The following PLXNA4 variants were observed in gnomAD, a reference collection of about 807,000 sequenced individuals.
PLXNA4 encodes plexin-A4.
In PLXNA4, 44 loss-of-function variants were observed where a neutral mutation model predicts 191.8. The ratio of observed to expected loss-of-function variants is 0.23; its 90% CI spans 0.18 to 0.29. The LOEUF (loss-of-function observed/expected upper bound fraction) is 0.29. Among genes scored for constraint, PLXNA4 ranks in the 10% least tolerant of loss-of-function variants. The pLI is 1.00. For missense variants in PLXNA4, 1,800 were observed against 2,488.8 expected (o/e 0.72, Z 5.89); for synonymous variants, 1,082 against 1,009.5 (o/e 1.07, Z -1.36).
At chr7:132,462,638 C>T (rs1796551768) in intron 3 of PLXNA4, among the ~76,000 whole-genome samples, 1 of 151,974 alleles carries the variant, frequency 6.6e-6, no homozygotes, top group African/African-American at 2.4e-5. Context: ...GACAGGGTCT[C>T]ACTATGTTGC....
chr7:132,293,905 C>T (rs1800981952), intron 4 of PLXNA4, among the ~76,000 whole-genome samples: 1 of 152,204 alleles, frequency 6.6e-6, no homozygotes, highest in African/African-American at 2.4e-5. Flanking sequence ...AACCACAGCT[C>T]TCTTGAGCCC....
chr7:132,574,951 T>A (rs770579436), intron 1 of PLXNA4, among the ~76,000 whole-genome samples: 8 of 152,212 alleles, frequency 5.3e-5, no homozygotes, highest in Non-Finnish European at 1.2e-4. Flanking sequence ...TTTTTTCCAC[T>A]GGTGGGTCTG....
At chr7:132,574,723 G>A (rs532577924) in intron 1 of PLXNA4, among the ~76,000 whole-genome samples, 1 of 152,276 alleles carries the variant, frequency 6.6e-6, no homozygotes, top group South Asian at 2.1e-4. Flanking sequence ...TCTCCCTCCC[G>A]GGGTGTCTGC....
In PLXNA4 at chr7:132,128,569, G is replaced by A. The variant is rs1794843313; in HGVS notation, c.*1910C>T. Reference sequence around the variant, plus strand: ...AACACTTCAAAAATCCTCCTACAAAGGACAAGAAATCCTTTTGAGCTTTCC... The same window carrying A: ...AACACTTCAAAAATCCTCCTACAAAAGACAAGAAATCCTTTTGAGCTTTCC... On this transcript the variant is annotated 3_prime_UTR_variant, in exon 32 of 32. Coordinates refer to ENST00000321063, the MANE Select transcript of PLXNA4 (RefSeq NM_020911.2). The A allele has an allele frequency of 6.6e-6, 1 of 152,152 alleles. No individual in the cohort carries two copies. 9.4% of individuals were successfully genotyped at this position (152,152 alleles called of 1,614,324 possible).
At chr7:132,566,805 G>T (rs1039221278) in intron 1 of PLXNA4, among the ~76,000 whole-genome samples, 2 of 152,138 alleles carry the variant, frequency 1.3e-5, no homozygotes, top group African/African-American at 4.8e-5. Context: ...GGCCACTGTC[G>T]CTAAAGTTTT....
intron 2 of PLXNA4, among the ~76,000 whole-genome samples, chr7:132,634,484 T>TAC (rs1202117730): frequency 2.0e-5 from 3 of 148,486 alleles, no homozygotes; most frequent in East Asian, 2.1e-4. Flanking sequence ...ACACACACAC[T>TAC]ACACACACAC....
chr7:132,179,823 G>T lies in PLXNA4; in HGVS notation c.3738C>A (p.Gly1246=), dbSNP rs202222743. 2.5e-6 allele frequency: 4 copies of T among 1,603,042 alleles called. No individual in the cohort carries two copies. In the African/African-American group the frequency reaches 5.3e-5, roughly 21 times the overall value. The change falls in exon 20 of 32, where the codon GGC becomes GGA. Residue 1246 remains glycine, a synonymous_variant. Coordinates refer to ENST00000321063, the MANE Select transcript of PLXNA4 (RefSeq NM_020911.2). ...LPAIVSIAVA[G]GLLIIFIVAV... Reference sequence around the variant, plus strand: ...CCACGATGAAAATGATGAGGAGGCCGCCAGCCACTGCGATGCTGACGATGG... The same window carrying T: ...CCACGATGAAAATGATGAGGAGGCCTCCAGCCACTGCGATGCTGACGATGG...
intron 3 of PLXNA4, among the ~76,000 whole-genome samples, chr7:132,444,330 C>T (rs2023411): frequency 0.72 from 110,063 of 152,250 alleles, 43,828 homozygotes; most frequent in Non-Finnish European, 0.89. Flanking sequence ...TCTTGGCTCA[C>T]TGCAACCACC....
At chr7:132,375,585 G>A (rs1262068798) in intron 3 of PLXNA4, among the ~76,000 whole-genome samples, 3 of 152,166 alleles carry the variant, frequency 2.0e-5, no homozygotes, top group Non-Finnish European at 4.4e-5. Context: ...AGCACAGTGT[G>A]ATCCATGCCA....
At chr7:132,243,221 A>G (rs1463844529) in intron 4 of PLXNA4, among the ~76,000 whole-genome samples, 1 of 152,242 alleles carries the variant, frequency 6.6e-6, no homozygotes, top group African/African-American at 2.4e-5. Context: ...TAAATGGTGA[A>G]AGTTGGGAAA....
At chr7:132,393,973 C>T (rs915698491) in intron 3 of PLXNA4, among the ~76,000 whole-genome samples, 2 of 151,626 alleles carry the variant, frequency 1.3e-5, no homozygotes, top group South Asian at 2.1e-4. Flanking sequence ...CACTAATTTG[C>T]ACCCCACCCT....
chr7:132,126,977 T>G lies in PLXNA4; in HGVS notation c.*3502A>C, dbSNP rs1794785316. On this transcript the variant is annotated 3_prime_UTR_variant, in exon 32 of 32. Coordinates refer to ENST00000321063, the MANE Select transcript of PLXNA4 (RefSeq NM_020911.2). ...AGCTACCAAGAAATGTCAGGGTCTCTCCTTATGGGGAAGGACAAAGAATGG... is the reference window on the plus strand; with the variant it reads ...AGCTACCAAGAAATGTCAGGGTCTCGCCTTATGGGGAAGGACAAAGAATGG... 6.6e-6 allele frequency: 1 copy of G among 152,102 alleles called. No homozygotes were observed. The highest frequency in any genetic ancestry group is 1.5e-5 in the Non-Finnish European group (1 of 68,044). 9.4% of individuals were successfully genotyped at this position (152,102 alleles called of 1,614,324 possible). A position where few individuals can be genotyped will look rare whatever the true frequency, so the allele number is the denominator to read the frequency against.
intron 3 of PLXNA4, among the ~76,000 whole-genome samples, chr7:132,332,292 G>A (rs898329440): frequency 6.6e-6 from 1 of 152,152 alleles, no homozygotes; most frequent in Admixed American, 6.5e-5. Context: ...TTTTCCTATA[G>A]TGTTTCTGGG....
intron 2 of PLXNA4, among the ~76,000 whole-genome samples, chr7:132,632,213 G>T (rs181069062): frequency 1.9e-3 from 222 of 118,106 alleles, no homozygotes; most frequent in Middle Eastern, 9.8e-3. Context: ...TCCAGCCTAA[G>T]CAACAGAGCT....
chr7:132,280,312 A>G (rs1490388401), intron 4 of PLXNA4, among the ~76,000 whole-genome samples: 4 of 152,216 alleles, frequency 2.6e-5, no homozygotes, highest in Non-Finnish European at 5.9e-5. Context: ...GGAGAAACAC[A>G]AAAAATAGTG....
chr7:132,403,031 C>G (rs1334347068), intron 3 of PLXNA4, among the ~76,000 whole-genome samples: 1 of 152,256 alleles, frequency 6.6e-6, no homozygotes, highest in African/African-American at 2.4e-5. Flanking sequence ...CTCTTCTTGG[C>G]CAGCTGCATT....
chr7:132,359,606 A>G lies in PLXNA4; in HGVS notation c.1372-61384T>C, dbSNP rs1206872860. Among the ~76,000 whole-genome samples, 4 of 152,208 alleles carry G rather than the reference A, an allele frequency of 2.6e-5. No homozygotes were observed. In the East Asian group the frequency reaches 5.8e-4, roughly 22 times the overall value. ...TACATGTAAACATATTTTGTAAAAT[A>G]AAGAAAAATGTATACCTAAGGTCTT... On this transcript the variant is annotated intron_variant, in intron 3 of 31. Transcript: ENST00000321063.
chr7:132,132,523 T>G (rs1358263616), intron 31 of PLXNA4, among the ~76,000 whole-genome samples: 1 of 146,924 alleles, frequency 6.8e-6, no homozygotes, highest in Admixed American at 6.7e-5. Flanking sequence ...TTCTATTCTA[T>G]TCTATTCTAT....
chr7:132,193,045 G>C (rs935177564), intron 14 of PLXNA4, among the ~76,000 whole-genome samples: 1 of 152,136 alleles, frequency 6.6e-6, no homozygotes, highest in Non-Finnish European at 1.5e-5. Flanking sequence ...TAGGGATAAT[G>C]GTGAGTGGGT....
Sources: gnomAD v4.1 joint callset for allele counts (sites outside exome capture counted in the v4.1 genomes callset) on GRCh38, gnomAD v4.1.1 for gene constraint, MANE v1.5 for transcripts, NCBI Gene and HGNC (gene_info 2026-07-23, HGNC 2026-07-21) for gene names.